The following TENM2 variants were observed in gnomAD, a reference collection of about 807,000 sequenced individuals.
TENM2 encodes the protein teneurin transmembrane protein 2, also known as teneurin-2.
In TENM2, 52 loss-of-function variants were observed where a neutral mutation model predicts 245.2. The observed-to-expected ratio is 0.21, with a 90% CI of 0.17 to 0.27. The LOEUF is 0.27. Among genes scored for constraint, TENM2 ranks in the 10% least tolerant of loss-of-function variants. The pLI, the probability that TENM2 is intolerant of heterozygous loss-of-function variation, is 1.00. For synonymous variants in TENM2, 1,363 were observed against 1,438.9 expected (o/e 0.95, Z 1.19); for missense variants, 3,046 against 3,666.8 (o/e 0.83, Z 4.37).
At chr5:168,049,244 C>T (rs928329549) in intron 6 of TENM2, among the ~76,000 whole-genome samples, 3 of 152,288 alleles carry the variant, frequency 2.0e-5, no homozygotes, top group East Asian at 1.9e-4. Context: ...AGAATTATCT[C>T]CTTTCAAGAT....
chr5:167,864,002 A>G (rs2151303455), intron 2 of TENM2, among the ~76,000 whole-genome samples: 1 of 152,246 alleles, frequency 6.6e-6, no homozygotes, highest in Admixed American at 6.5e-5. Flanking sequence ...TAGGTCTTTG[A>G]GGGGGAGCTT....
the TENM2 span, among the ~76,000 whole-genome samples, chr5:167,197,439 T>A: frequency 6.6e-6 from 1 of 151,882 alleles, no homozygotes; most frequent in African/African-American, 2.4e-5. Context: ...GAGGAGGGGG[T>A]CAGTCTTTGG....
chr5:167,798,080 T>G (rs1186930775), intron 2 of TENM2, among the ~76,000 whole-genome samples: 1 of 152,238 alleles, frequency 6.6e-6, no homozygotes, highest in Non-Finnish European at 1.5e-5. Flanking sequence ...CTCATCCTGA[T>G]AGTCCTCTTT....
the TENM2 span, among the ~76,000 whole-genome samples, chr5:167,084,365 A>G: frequency 2.2e-4 from 27 of 122,462 alleles, 1 homozygote; most frequent in African/African-American, 7.9e-4. Flanking sequence ...ATATATATAT[A>G]TACAGATCAG....
chr5:167,627,562 CT>C (rs34785510), intron 2 of TENM2, among the ~76,000 whole-genome samples: 75 of 145,250 alleles, frequency 5.2e-4, no homozygotes, highest in South Asian at 4.4e-3. Flanking sequence ...GACTCTACTT[CT>C]TTTTTTTTTT....
rs1776835669 is a variant in TENM2, at chr5:167,603,938, T to A, written c.502+228465T>A. Among the ~76,000 whole-genome samples, 4 of 152,200 alleles carry A rather than the reference T, an allele frequency of 2.6e-5. No individual in the cohort carries two copies. In the South Asian group the frequency reaches 8.3e-4, roughly 32 times the overall value. ...AATTGATCTGGAGTTTCAGGTAGCA[T>A]ATGTCTGTGTTTTGGAGTTTATTTT... is the stretch of plus-strand genomic sequence containing the variant. On this transcript the variant is annotated intron_variant, in intron 2 of 28. Transcript: ENST00000518659.
At chr5:167,380,845 T>C (rs1442573624) in intron 2 of TENM2, among the ~76,000 whole-genome samples, 1 of 152,176 alleles carries the variant, frequency 6.6e-6, no homozygotes, top group Non-Finnish European at 1.5e-5. Flanking sequence ...CTGTTCACGA[T>C]TGGAAGCCTC....
At chr5:168,184,928 A>G (rs1033162434) in intron 13 of TENM2, among the ~76,000 whole-genome samples, 2 of 152,240 alleles carry the variant, frequency 1.3e-5, no homozygotes, top group Non-Finnish European at 1.5e-5. Flanking sequence ...CCTTGTGCCA[A>G]TGGTAAACAG....
At chr5:167,378,754 G>A (rs1760919565) in intron 2 of TENM2, among the ~76,000 whole-genome samples, 2 of 151,864 alleles carry the variant, frequency 1.3e-5, no homozygotes, top group African/African-American at 4.8e-5. Flanking sequence ...TAATACAGAA[G>A]AATAACTAAT....
intron 4 of TENM2, among the ~76,000 whole-genome samples, chr5:167,966,016 T>A (rs148071789): frequency 6.6e-6 from 1 of 152,254 alleles, no homozygotes; most frequent in East Asian, 1.9e-4. Flanking sequence ...AGGCGAGAAA[T>A]GATCTATGGG....
intron 3 of TENM2, among the ~76,000 whole-genome samples, chr5:167,935,664 G>T (rs1270738563): frequency 1.3e-5 from 2 of 152,112 alleles, no homozygotes; most frequent in African/African-American, 4.8e-5. Context: ...GGGGAAGAGA[G>T]TGGTCCAGGA....
chr5:167,136,149 T>C, the TENM2 span, among the ~76,000 whole-genome samples: 1 of 152,256 alleles, frequency 6.6e-6, no homozygotes, highest in East Asian at 1.9e-4. Flanking sequence ...AATTTAGTTC[T>C]TTATGCACCT....
At chr5:167,915,472 C>T (rs1776868170) in intron 3 of TENM2, among the ~76,000 whole-genome samples, 1 of 152,144 alleles carries the variant, frequency 6.6e-6, no homozygotes, top group African/African-American at 2.4e-5. Flanking sequence ...AATTGCTTTT[C>T]TCCCCTACAC....
At chr5:167,288,422 G>A (rs4869027) in intron 1 of TENM2, among the ~76,000 whole-genome samples, 120,713 of 152,032 alleles carry the variant, frequency 0.79, 49,210 homozygotes, top group Admixed American at 0.89. Context: ...AGTCGGGCGC[G>A]GTGGCGGGCG....
chr5:167,295,540 T>G (rs74919226), intron 1 of TENM2, among the ~76,000 whole-genome samples: 16 of 152,300 alleles, frequency 1.1e-4, no homozygotes, highest in Non-Finnish European at 1.9e-4. Flanking sequence ...CTTACCATGC[T>G]TTACAATCTG....
intron 28 of TENM2, 52 bp from the exon 31 acceptor site, chr5:168,261,996 AG>A: frequency 6.4e-7 from 1 of 1,552,838 alleles, no homozygotes; most frequent in Non-Finnish European, 8.8e-7. Flanking sequence ...ACTCTTTTTG[AG>A]AGAGCTGCCC....
intron 9 of TENM2, among the ~76,000 whole-genome samples, chr5:168,113,493 C>T (rs1389979875): frequency 6.6e-6 from 1 of 151,936 alleles, no homozygotes; most frequent in Non-Finnish European, 1.5e-5. Context: ...CTCCAATATC[C>T]TTAACTTTTC....
At chr5:167,481,328 T>C (rs1767746374) in intron 2 of TENM2, among the ~76,000 whole-genome samples, 1 of 152,150 alleles carries the variant, frequency 6.6e-6, no homozygotes, top group Non-Finnish European at 1.5e-5. Context: ...TTTAGAATCC[T>C]TTTTTTAGAA....
chr5:168,086,431 G>A (rs1792463991), intron 7 of TENM2, among the ~76,000 whole-genome samples: 2 of 152,326 alleles, frequency 1.3e-5, no homozygotes, highest in South Asian at 4.2e-4. Context: ...CAAAGGCACA[G>A]CCTTCACATT....
Sources: allele counts gnomAD v4.1 joint callset (sites outside exome capture counted in the v4.1 genomes callset), GRCh38; gene constraint gnomAD v4.1.1; transcripts MANE v1.5; gene names NCBI Gene and HGNC (gene_info 2026-07-23, HGNC 2026-07-21).